The following TECRL variants were observed in gnomAD, a reference collection of about 807,000 sequenced individuals.
The protein encoded by TECRL is trans-2,3-enoyl-CoA reductase-like.
TECRL carries 63 observed loss-of-function variants against 52.8 expected under a neutral mutation model. The ratio of observed to expected loss-of-function variants is 1.19; its 90% confidence interval spans 0.97 to 1.47. The LOEUF is 1.47. Among genes scored for constraint, TECRL ranks in the 40% most tolerant of loss-of-function variants. The pLI is 0.00. For missense variants in TECRL, 482 were observed against 429.6 expected, an observed-to-expected ratio of 1.12 and a Z score of -1.08; for synonymous variants, 164 against 141.9, an observed-to-expected ratio of 1.16 and a Z score of -1.10.
chr4:64,316,867 A>G (rs1395479177), intron 4 of TECRL, among the ~76,000 whole-genome samples: 2 of 152,206 alleles, frequency 1.3e-5, no homozygotes, highest in Admixed American at 1.3e-4. Context: ...AGTTAACTGT[A>G]TTAAACTAAT....
intron 3 of TECRL, among the ~76,000 whole-genome samples, chr4:64,327,908 C>G (rs1403636765): frequency 6.6e-6 from 1 of 151,518 alleles, no homozygotes; most frequent in African/African-American, 2.4e-5. Context: ...TCATTCTATC[C>G]TGAAAAAAAG....
At chr4:64,290,442 T>C (rs1050341492) in intron 8 of TECRL, among the ~76,000 whole-genome samples, 5 of 152,162 alleles carry the variant, frequency 3.3e-5, no homozygotes, top group Non-Finnish European at 7.3e-5. Context: ...TGATTTAACA[T>C]AAGCTATGTA....
chr4:64,306,849 G>A (rs1724369640), intron 6 of TECRL, among the ~76,000 whole-genome samples: 1 of 152,190 alleles, frequency 6.6e-6, no homozygotes, highest in African/African-American at 2.4e-5. Flanking sequence ...TTTGAGGGAT[G>A]CTCACCAAGC....
chr4:64,341,904 T>A (rs1380330223), intron 2 of TECRL, among the ~76,000 whole-genome samples: 2 of 151,826 alleles, frequency 1.3e-5, no homozygotes, highest in African/African-American at 4.9e-5. Flanking sequence ...CCAGCATGTC[T>A]GACTGTGGAG....
At chr4:64,398,397 A>G (rs907335742) in intron 1 of TECRL, among the ~76,000 whole-genome samples, 8 of 152,186 alleles carry the variant, frequency 5.3e-5, no homozygotes, top group African/African-American at 1.9e-4. Flanking sequence ...ATTTAATATC[A>G]TTCTCTTGGT....
chr4:64,402,334 GA>G (rs911443613), intron 1 of TECRL, among the ~76,000 whole-genome samples: 12 of 151,552 alleles, frequency 7.9e-5, no homozygotes, highest in African/African-American at 2.9e-4. Flanking sequence ...TAAACTATTA[GA>G]AAAAAATACT....
chr4:64,314,543 A>T, intron 5 of TECRL, 105 bp downstream of exon 5: 1 of 825,214 alleles, frequency 1.2e-6, no homozygotes, highest in Non-Finnish European at 2.0e-6. Context: ...AACAACCTTT[A>T]TTAATATTTT....
intron 2 of TECRL, among the ~76,000 whole-genome samples, chr4:64,366,969 T>C (rs2109640531): frequency 6.6e-6 from 1 of 152,154 alleles, no homozygotes; most frequent in African/African-American, 2.4e-5. Flanking sequence ...AATAGCAAAG[T>C]TATGAAATCA....
At chr4:64,396,620 G>A (rs1723973396) in intron 1 of TECRL, among the ~76,000 whole-genome samples, 1 of 151,970 alleles carries the variant, frequency 6.6e-6, no homozygotes, top group Non-Finnish European at 1.5e-5. Context: ...TTACTCTGTT[G>A]GTAGTTTCTT....
chr4:64,397,905 T>TGTGTGC (rs2109769461), intron 1 of TECRL: 1 of 152,010 alleles, frequency 6.6e-6, no homozygotes, highest in Non-Finnish European at 1.5e-5. Context: ...AATATGTGTG[T>TGTGTGC]GTGTGTGTGT....
chr4:64,309,083 T>C (rs1189693788), intron 6 of TECRL, among the ~76,000 whole-genome samples: 1 of 152,182 alleles, frequency 6.6e-6, no homozygotes, highest in African/African-American at 2.4e-5. Context: ...ATTTGATTGA[T>C]TGTAATATCT....
chr4:64,324,975 A>G (rs1440943745), intron 3 of TECRL, among the ~76,000 whole-genome samples: 1 of 152,296 alleles, frequency 6.6e-6, no homozygotes. Flanking sequence ...GGCTTTAAAA[A>G]ATGAGATTAT....
At chr4:64,296,425 C>G (rs1465040111) in intron 8 of TECRL, among the ~76,000 whole-genome samples, 2 of 151,800 alleles carry the variant, frequency 1.3e-5, no homozygotes, top group African/African-American at 2.4e-5. Flanking sequence ...TTTTAAAACA[C>G]CTAAGTGACT....
At chr4:64,403,510 T>C (rs1724504258) in intron 1 of TECRL, among the ~76,000 whole-genome samples, 1 of 117,648 alleles carries the variant, frequency 8.5e-6, no homozygotes, top group Admixed American at 8.4e-5. Flanking sequence ...CACATAGACT[T>C]AGTAAATTAT....
At position 64,278,314 on chromosome 4, in the gene TECRL, G is replaced by T. The variant is rs2170766; in HGVS notation, c.*1758C>A. ...CACTTTTAATATAGCTATAATTTCC[G>T]CAAGAATTTGAACTAATGACATAAT... On this transcript the variant is annotated 3_prime_UTR_variant, in exon 12 of 12. Coordinates refer to ENST00000381210, the MANE Select transcript of TECRL (RefSeq NM_001010874.5). 1 of 162,924 alleles carries T rather than the reference G, an allele frequency of 6.1e-6. No homozygotes were observed. The highest frequency in any genetic ancestry group is 2.4e-5 in the African/African-American group (1 of 41,686). 10.1% of individuals were successfully genotyped at this position (162,924 alleles called of 1,614,324 possible).
At chr4:64,276,858 T>C (rs2109913418), downstream of TECRL, 2 of 382,608 alleles carry the variant, frequency 5.2e-6, no homozygotes, top group South Asian at 1.3e-4. Context: ...TTTACACACA[T>C]ACCCATATAC....
At position 64,281,463 on chromosome 4, in the gene TECRL, A is replaced by G; in HGVS notation, c.918+11T>C. 1 of 1,525,816 alleles carries G rather than the reference A, an allele frequency of 6.6e-7. No individual in the cohort carries two copies. The highest frequency in any genetic ancestry group is 9.0e-7 in the Non-Finnish European group (1 of 1,108,716). 94.5% of individuals were successfully genotyped at this position (1,525,816 alleles called of 1,614,324 possible). A position where few individuals can be genotyped will look rare whatever the true frequency, so the allele number is the denominator to read the frequency against. ...ATAGGATTCAAGCATTTACATACAT[A>G]AATAACATACCTCATAGGTGTAGTT... On this transcript the variant is annotated intron_variant, in intron 10 of 11. Transcript: ENST00000381210.
At chr4:64,389,467 C>T (rs950394361) in intron 1 of TECRL, among the ~76,000 whole-genome samples, 1 of 151,816 alleles carries the variant, frequency 6.6e-6, no homozygotes, top group Non-Finnish European at 1.5e-5. Context: ...AGGATAAATC[C>T]CACGTGGTTG....
intron 1 of TECRL, among the ~76,000 whole-genome samples, chr4:64,380,079 A>G (rs992923398): frequency 8.5e-5 from 13 of 152,110 alleles, no homozygotes; most frequent in Non-Finnish European, 4.4e-5. Context: ...TTGTCTTTCC[A>G]TAATAGCCAT....
Sources: gnomAD v4.1 joint callset for allele counts (sites outside exome capture counted in the v4.1 genomes callset) on GRCh38, gnomAD v4.1.1 for gene constraint, MANE v1.5 for transcripts, NCBI Gene and HGNC (gene_info 2026-07-23, HGNC 2026-07-21) for gene names.